Variants in OR2M4 observed in about 807,000 individuals in gnomAD.
The protein encoded by OR2M4 is olfactory receptor 2M4.
A neutral mutation model predicts 13.7 loss-of-function variants in OR2M4; 8 were observed. The ratio of observed to expected loss-of-function variants is 0.58; its 90% CI spans 0.34 to 1.05. The LOEUF (loss-of-function observed/expected upper bound fraction) is 1.05, where lower values mean the gene tolerates loss of function less well. OR2M4 is among the 50% of genes least tolerant of loss of function. The pLI, the probability that OR2M4 is intolerant of heterozygous loss-of-function variation, is 0.02. For synonymous variants in OR2M4, 152 were observed against 141.3 expected (o/e 1.08, Z -0.53); for missense variants, 374 against 381.6 (o/e 0.98, Z 0.17).
chr1:248,239,430 T>C lies in OR2M4; in HGVS notation c.502T>C (p.Tyr168His), dbSNP rs769212565. 1 of 1,614,162 alleles carries C rather than the reference T, an allele frequency of 6.2e-7. No individual in the cohort carries two copies. Residue 168 changes from tyrosine (Y) to histidine (H), a missense_variant, in exon 2 of 2, where the codon TAC becomes CAC. By Grantham distance (83) the Tyr-to-His change is moderately conservative. Transcript: ENST00000641868. ...IVLAAVLSFSYCSSLEIHHFF... is the reference protein window; with the variant it reads ...IVLAAVLSFSHCSSLEIHHFF... The stretch of plus-strand genomic sequence containing the variant: ...GCTTGCAGCTGTCCTGTCATTTTCT[T>C]ACTGCAGCTCTCTGGAAATTCATCA...
Position 248,244,232 on chromosome 1 carries a change from C to T in OR2M4, c.*4368C>T, listed in dbSNP as rs947502605. 2 of 151,890 alleles carry T rather than the reference C, an allele frequency of 1.3e-5. No homozygotes were observed. Among genetic ancestry groups the T allele is most frequent in the Non-Finnish European group, 2.9e-5 (2 of 67,922 alleles). The allele number at this position is 151,890 out of a possible 1,614,324, so 9.4% of individuals were successfully genotyped here. A position where few individuals can be genotyped will look rare whatever the true frequency, so the allele number is the denominator to read the frequency against. On this transcript the variant is annotated 3_prime_UTR_variant, in exon 2 of 2. Transcript: ENST00000641868. ...CCAAAAGAAAATAAATTGTTCTACC[C>T]CAAAGACAAATTATTCATTCATTGC...
In OR2M4 at chr1:248,239,519, A is replaced by T; in HGVS notation, c.591A>T (p.Arg197Ser). 6.2e-7 allele frequency: 1 copy of T among 1,614,018 alleles called. No individual in the cohort carries two copies. Among genetic ancestry groups the T allele is most frequent in the Non-Finnish European group, 8.5e-7 (1 of 1,179,988 alleles). ...LSCTETSAFE[R>S]LLVICCVVML... ...GCACAGAAACATCTGCATTTGAAAG[A>T]CTACTTGTCATTTGTTGTGTGGTAA... Residue 197 changes from arginine (R) to serine (S), a missense_variant, in exon 2 of 2, where the codon AGA becomes AGT. By Grantham distance (110) the Arg-to-Ser change is moderately radical (BLOSUM62 -1). Transcript: ENST00000641868.
At chr1:248,237,992 C>G (rs977712135) in intron 1 of OR2M4, among the ~76,000 whole-genome samples, 1 of 151,950 alleles carries the variant, frequency 6.6e-6, no homozygotes, top group African/African-American at 2.4e-5. Flanking sequence ...TCAATTTTTT[C>G]AAAAATACAA....
rs1666624626 is a variant in OR2M4 at position 248,242,112 on chromosome 1, C to T, written c.*2248C>T. 1 of 152,072 alleles carries T rather than the reference C, an allele frequency of 6.6e-6. No individual in the cohort carries two copies. Among genetic ancestry groups the T allele is most frequent in the Non-Finnish European group, 1.5e-5 (1 of 68,030 alleles). 9.4% of individuals were successfully genotyped at this position (152,072 alleles called of 1,614,324 possible). A position where few individuals can be genotyped will look rare whatever the true frequency, so the allele number is the denominator to read the frequency against. On this transcript the variant is annotated 3_prime_UTR_variant, in exon 2 of 2. Coordinates refer to ENST00000641868, the MANE Select transcript of OR2M4 (RefSeq NM_017504.2). ...TATATGTGTCGTGGGTACAGTTGCT[C>T]AATTTATTCAATTTATACTTGTATA...
rs1666642314 is a variant in OR2M4 at position 248,243,933 on chromosome 1, A to G, written c.*4069A>G. The G allele has an allele frequency of 6.6e-6, 1 of 152,246 alleles. No individual in the cohort carries two copies. The highest frequency in any genetic ancestry group is 6.5e-5 in the Admixed American group (1 of 15,292). 9.4% of individuals were successfully genotyped at this position (152,246 alleles called of 1,614,324 possible). On this transcript the variant is annotated 3_prime_UTR_variant, in exon 2 of 2. Transcript: ENST00000641868. ...AAAGAAGGCATATGAGCAGCCAACAAACATGAAAAAATGGTCATCATAGTT... is the reference window on the plus strand; with the variant it reads ...AAAGAAGGCATATGAGCAGCCAACAGACATGAAAAAATGGTCATCATAGTT...
In OR2M4 at chr1:248,241,103, C is replaced by T. The variant is rs535560840; in HGVS notation, c.*1239C>T. The T allele has an allele frequency of 6.6e-6, 1 of 152,310 alleles. No individual in the cohort carries two copies. The highest frequency in any genetic ancestry group is 2.1e-4 in the South Asian group (1 of 4,822). The allele number at this position is 152,310 out of a possible 1,614,324, so 9.4% of individuals were successfully genotyped here. On this transcript the variant is annotated 3_prime_UTR_variant, in exon 2 of 2. Coordinates refer to ENST00000641868, the MANE Select transcript of OR2M4 (RefSeq NM_017504.2). ...GTGAGTCCTAGTGCTGAATTGGGCC[C>T]CGAGATAGTGGACTGTGCGGCGGGC...
chr1:248,239,761 A>G lies in OR2M4; in HGVS notation c.833A>G (p.Tyr278Cys). The G allele has an allele frequency of 1.2e-6, 2 of 1,614,082 alleles. No individual in the cohort carries two copies. The highest frequency in any genetic ancestry group is 1.7e-6 in the Non-Finnish European group (2 of 1,180,004). ...CAGGACAAGATGGTGTCGGCCTTCTACACTATTCTCACCCCTATGCTGAAC... is the reference window on the plus strand; with the variant it reads ...CAGGACAAGATGGTGTCGGCCTTCTGCACTATTCTCACCCCTATGCTGAAC... ...PDQDKMVSAF[Y>C]TILTPMLNPL... The change falls in exon 2 of 2, where the codon TAC (tyrosine) becomes TGC (cysteine). Residue 278 changes from tyrosine (Y) to cysteine (C), a missense_variant. Coordinates refer to ENST00000641868, the MANE Select transcript of OR2M4 (RefSeq NM_017504.2).
intron 1 of OR2M4, among the ~76,000 whole-genome samples, chr1:248,232,747 G>C (rs530956632): frequency 2.6e-5 from 4 of 152,196 alleles, no homozygotes; most frequent in African/African-American, 4.8e-5. Context: ...GAAAGGTACT[G>C]CTCCTTCTTT....
intron 1 of OR2M4, among the ~76,000 whole-genome samples, chr1:248,234,337 C>T (rs1045761651): frequency 2.0e-5 from 3 of 151,538 alleles, no homozygotes; most frequent in African/African-American, 7.3e-5. Flanking sequence ...GCAGAACATG[C>T]GGGTTTGTTA....
At chr1:248,234,468 G>A (rs1316741408) in intron 1 of OR2M4, among the ~76,000 whole-genome samples, 1 of 151,918 alleles carries the variant, frequency 6.6e-6, no homozygotes, top group African/African-American at 2.4e-5. Context: ...CCCTTAACAG[G>A]CCCCAGGGTG....
chr1:248,237,676 C>CA (rs761966555), intron 1 of OR2M4, among the ~76,000 whole-genome samples: 4 of 151,886 alleles, frequency 2.6e-5, no homozygotes, highest in African/African-American at 9.7e-5. Flanking sequence ...CAAAACAAAA[C>CA]AAAAAAACTC....
intron 1 of OR2M4, among the ~76,000 whole-genome samples, chr1:248,237,580 G>T (rs998084826): frequency 6.6e-6 from 1 of 152,194 alleles, no homozygotes; most frequent in Non-Finnish European, 1.5e-5. Context: ...TTGAAACCAG[G>T]AGGCAGAGTT....
intron 1 of OR2M4, among the ~76,000 whole-genome samples, chr1:248,238,025 C>CA (rs1343874673): frequency 8.5e-5 from 13 of 152,174 alleles, no homozygotes; most frequent in Middle Eastern, 3.4e-3. Context: ...GTCCTCACTA[C>CA]AAAAAAATGA....
chr1:248,236,630 AT>A (rs1666559524), intron 1 of OR2M4, among the ~76,000 whole-genome samples: 1 of 152,020 alleles, frequency 6.6e-6, no homozygotes, highest in Non-Finnish European at 1.5e-5. Context: ...CCAAGAGTTG[AT>A]TTTTTGAAAA....
rs1325843154 is a variant in OR2M4 at position 248,242,061 on chromosome 1, T to A, written c.*2197T>A. 1 of 152,194 alleles carries A rather than the reference T, an allele frequency of 6.6e-6. No individual in the cohort carries two copies. Among genetic ancestry groups the A allele is most frequent in the Non-Finnish European group, 1.5e-5 (1 of 68,032 alleles). 9.4% of individuals were successfully genotyped at this position (152,194 alleles called of 1,614,324 possible). On this transcript the variant is annotated 3_prime_UTR_variant, in exon 2 of 2. Transcript: ENST00000641868. The stretch of plus-strand genomic sequence containing the variant: ...CACTTTATGATACACACTGGAAATG[T>A]TTATGCTCAGTTTTTGGAAGCAGAA...
At position 248,238,858 on chromosome 1, in the gene OR2M4, T is replaced by G. The variant is rs1327618381; in HGVS notation, c.-19-52T>G. On this transcript the variant is annotated intron_variant, in intron 1 of 1. Coordinates refer to ENST00000641868, the MANE Select transcript of OR2M4 (RefSeq NM_017504.2). ...GCCCAGTAGAGTATGTCACAGTATGTGTTTGAAAACTGAATTGATAAATAA... is the reference window on the plus strand; with the variant it reads ...GCCCAGTAGAGTATGTCACAGTATGGGTTTGAAAACTGAATTGATAAATAA... 1.4e-5 allele frequency: 16 copies of G among 1,155,626 alleles called. No individual in the cohort carries two copies. In the East Asian group the frequency reaches 3.5e-4, roughly 25 times the overall value. The allele number at this position is 1,155,626 out of a possible 1,614,324, so 71.6% of individuals were successfully genotyped here.
Position 248,243,818 on chromosome 1 carries a change from A to T in OR2M4, c.*3954A>T, listed in dbSNP as rs548956483. On this transcript the variant is annotated 3_prime_UTR_variant, in exon 2 of 2. Transcript: ENST00000641868. Reference sequence around the variant, plus strand: ...TGCATCCAACAAAGGTCTAACATCCAGATTCTATACGGAACTTAAGTCAAC... The same window carrying T: ...TGCATCCAACAAAGGTCTAACATCCTGATTCTATACGGAACTTAAGTCAAC... 2 of 152,366 alleles carry T rather than the reference A, an allele frequency of 1.3e-5. No homozygotes were observed. Among genetic ancestry groups the T allele is most frequent in the South Asian group, 2.1e-4 (1 of 4,828 alleles). The allele number at this position is 152,366 out of a possible 1,614,324, so 9.4% of individuals were successfully genotyped here.
chr1:248,244,456 C>T lies in OR2M4; in HGVS notation c.*4592C>T, dbSNP rs1572809320. On this transcript the variant is annotated 3_prime_UTR_variant, in exon 2 of 2. Coordinates refer to ENST00000641868, the MANE Select transcript of OR2M4 (RefSeq NM_017504.2). ...TGCAGTAACAAAAAACCAAATACTG[C>T]ATGTTCTCACTTATACATAGGAGCT... 6.6e-6 allele frequency: 1 copy of T among 152,142 alleles called. No homozygotes were observed. Among genetic ancestry groups the T allele is most frequent in the South Asian group, 2.1e-4 (1 of 4,830 alleles). The allele number at this position is 152,142 out of a possible 1,614,324, so 9.4% of individuals were successfully genotyped here. A position where few individuals can be genotyped will look rare whatever the true frequency, so the allele number is the denominator to read the frequency against.
At chr1:248,237,595 T>C (rs559644728) in intron 1 of OR2M4, among the ~76,000 whole-genome samples, 16 of 152,010 alleles carry the variant, frequency 1.1e-4, no homozygotes, top group South Asian at 2.1e-4. Context: ...AGAGTTTGCA[T>C]TGAGCCAAGA....
Sources: gnomAD v4.1 joint callset for allele counts (sites outside exome capture counted in the v4.1 genomes callset) on GRCh38, gnomAD v4.1.1 for gene constraint, MANE v1.5 for transcripts, NCBI Gene and HGNC (gene_info 2026-07-23, HGNC 2026-07-21) for gene names.